ZNF433: variants seen among roughly 807,000 people sequenced by gnomAD.
The protein encoded by ZNF433 is zinc finger protein 433.
In ZNF433, 12 loss-of-function variants were observed where a neutral mutation model predicts 10.6. The ratio of observed to expected loss-of-function variants is 1.13; its 90% CI spans 0.72 to 1.83. ZNF433 has a LOEUF of 1.83. Among genes scored for constraint, ZNF433 ranks in the 40% most tolerant of loss-of-function variants. The pLI is 0.00. For synonymous variants in ZNF433, 272 were observed against 271.3 expected (o/e 1.00, Z -0.02); for missense variants, 737 against 798.0 (o/e 0.92, Z 0.92).
At chr19:12,031,079 C>T (rs1055389985) in intron 1 of ZNF433, among the ~76,000 whole-genome samples, 6 of 151,594 alleles carry the variant, frequency 4.0e-5, no homozygotes, top group Admixed American at 2.0e-4. Flanking sequence ...GGGCAGATCA[C>T]GAGGTCAAGA....
rs145154143 is a variant in ZNF433 at position 12,031,310 on chromosome 19, ACAAAAC to A, written c.3+4221_3+4226del. 2.1e-3 allele frequency among the ~76,000 whole-genome samples: 264 copies of A among 128,630 alleles called. 10 individuals are homozygous for A. The highest frequency in any genetic ancestry group is 7.4e-3 in the African/African-American group (159 of 21,584). The allele number at this position is 128,630 out of a possible 152,430, so 84.4% of individuals were successfully genotyped here. A position where few individuals can be genotyped will look rare whatever the true frequency, so the allele number is the denominator to read the frequency against. On this transcript the variant is annotated intron_variant, in intron 1 of 3. Coordinates refer to ENST00000550507, the MANE Select transcript of ZNF433 (RefSeq NM_001308348.2). ...ACTCCATCTCAAAAAAAAAAAAAAA[ACAAAAC>A]AAAAAAAAAAACAAAGCAGCTGACC...
At position 12,016,750 on chromosome 19, in the gene ZNF433, T is replaced by TC. The variant is rs1491494592; in HGVS notation, c.192-85dup. 3.9e-5 allele frequency: 58 copies of TC among 1,491,768 alleles called. No individual in the cohort carries two copies. The East Asian group carries it at 1.3e-3, about 32-fold the overall frequency. 92.4% of individuals were successfully genotyped at this position (1,491,768 alleles called of 1,614,324 possible). A position where few individuals can be genotyped will look rare whatever the true frequency, so the allele number is the denominator to read the frequency against. The stretch of plus-strand genomic sequence containing the variant: ...TCACAAGTATTGCACTTGCATTTTT[T>TC]CTCTTTTTTTTGAGATGGAGTCTCA... On this transcript the variant is annotated intron_variant, in intron 3 of 3. Transcript: ENST00000550507.
intron 1 of ZNF433, among the ~76,000 whole-genome samples, chr19:12,029,593 T>G (rs1974907091): frequency 7.9e-6 from 1 of 126,572 alleles, no homozygotes; most frequent in Non-Finnish European, 1.7e-5. Context: ...GTTAATGACA[T>G]AAATGTTTGC....
intron 1 of ZNF433, chr19:12,026,936 C>G (rs928677688): frequency 3.3e-5 from 15 of 453,964 alleles, no homozygotes; most frequent in Non-Finnish European, 5.7e-5. Flanking sequence ...GGCACCTCAA[C>G]CTCAAATGAT....
intron 1 of ZNF433, among the ~76,000 whole-genome samples, chr19:12,022,752 G>C (rs1263657798): frequency 1.3e-5 from 2 of 152,204 alleles, no homozygotes; most frequent in Non-Finnish European, 2.9e-5. Context: ...TGACAGAGCA[G>C]GTTTGTTTGC....
At position 12,015,325 on chromosome 19, in the gene ZNF433, G is replaced by C. The variant is rs199872597; in HGVS notation, c.1533C>G (p.Ser511=). 1.2e-6 allele frequency: 2 copies of C among 1,613,754 alleles called. No homozygotes were observed. Among genetic ancestry groups the C allele is most frequent in the African/African-American group, 2.7e-5 (2 of 74,894 alleles). ...KTYECKQCGR[S]FNCSSSFRYH... is the part of the protein sequence containing the mutation. ...ATCGAAAGGAGCTCGAACAGTTGAA[G>C]GATCTGCCACACTGCTTGCATTCAT... Residue 511 remains serine (S), a synonymous_variant, in exon 4 of 4, where the codon TCC becomes TCG. Transcript: ENST00000550507.
rs1422615299 is a variant in ZNF433 at position 12,015,711 on chromosome 19, T to C, written c.1147A>G (p.Lys383Glu). 1.2e-6 allele frequency: 2 copies of C among 1,613,408 alleles called. No individual in the cohort carries two copies. Among genetic ancestry groups the C allele is most frequent in the African/African-American group, 1.3e-5 (1 of 74,828 alleles). ...TAGGGTTTCTCTCCAGTGTGAGTTT[T>C]TTCATGTGTTTGAAGTGAACTGGGA... is the stretch of plus-strand genomic sequence containing the variant. ...YSPSSLQTHE[K>E]THTGEKPYKC... Residue 383 changes from lysine to glutamate, a missense_variant, in exon 4 of 4, where the codon AAA becomes GAA. By Grantham distance (56) the Lys-to-Glu change is moderately conservative. Coordinates refer to ENST00000550507, the MANE Select transcript of ZNF433 (RefSeq NM_001308348.2).
Position 12,020,883 on chromosome 19 carries a change from G to A in ZNF433, c.4-2591C>T, listed in dbSNP as rs146345728. On this transcript the variant is annotated intron_variant, in intron 1 of 3. Coordinates refer to ENST00000550507, the MANE Select transcript of ZNF433 (RefSeq NM_001308348.2). ...TGCGCCATTGCACTCCAGCCTGGGC[G>A]ACAGAGCGAGACTCTGTCTCAAAAA... 9.7e-3 allele frequency among the ~76,000 whole-genome samples: 1,430 copies of A among 147,946 alleles called. 17 individuals are homozygous for A. Among genetic ancestry groups the A allele is most frequent in the African/African-American group, 0.034 (1,358 of 39,592 alleles).
intron 1 of ZNF433, among the ~76,000 whole-genome samples, chr19:12,029,042 G>A (rs1974874952): frequency 6.6e-6 from 1 of 151,900 alleles, no homozygotes; most frequent in African/African-American, 2.4e-5. Context: ...GATATCAATG[G>A]AAAATGTAAT....
At chr19:12,031,475 C>T (rs1174615382) in intron 1 of ZNF433, among the ~76,000 whole-genome samples, 3 of 151,834 alleles carry the variant, frequency 2.0e-5, no homozygotes, top group African/African-American at 7.3e-5. Context: ...CATGGCGAAA[C>T]CCCTTCTCAA....
At chr19:12,026,656 T>C (rs1974747664) in intron 1 of ZNF433, 1 of 452,380 alleles carries the variant, frequency 2.2e-6, no homozygotes, top group Admixed American at 2.4e-5. Context: ...CTCAAAAAAC[T>C]ATTTGTAAAC....
chr19:12,032,485 A>ATT (rs112747052), intron 1 of ZNF433, among the ~76,000 whole-genome samples: 37 of 141,306 alleles, frequency 2.6e-4, no homozygotes, highest in East Asian at 1.0e-3. Flanking sequence ...CTAAATAGCG[A>ATT]TTTTTTTTTT....
chr19:12,015,254 T>C lies in ZNF433; in HGVS notation c.1604A>G (p.Gln535Arg). ...GGCAGATCTGAAGGCTTTTCCACATTGCTTGCATTCATAGGGTTTCTCTCC... is the reference window on the plus strand; with the variant it reads ...GGCAGATCTGAAGGCTTTTCCACATCGCTTGCATTCATAGGGTTTCTCTCC... Reference protein sequence around the residue: ...HTGEKPYECKQCGKAFRSASQ... With the variant: ...HTGEKPYECKRCGKAFRSASQ... Residue 535 changes from glutamine (Q) to arginine (R), a missense_variant, in exon 4 of 4, where the codon CAA becomes CGA. By Grantham distance (43) the Gln-to-Arg change is conservative. Transcript: ENST00000550507. 3.7e-6 allele frequency: 6 copies of C among 1,613,996 alleles called. No individual in the cohort carries two copies. The highest frequency in any genetic ancestry group is 4.2e-6 in the Non-Finnish European group (5 of 1,179,996).
intron 1 of ZNF433, chr19:12,027,065 A>G (rs767915883): frequency 4.5e-6 from 2 of 447,710 alleles, no homozygotes; most frequent in Non-Finnish European, 8.9e-6. Flanking sequence ...AAACTTGGAT[A>G]TTGCAAAATT....
At position 12,028,392 on chromosome 19, in the gene ZNF433, AT is replaced by A. The variant is rs374297195; in HGVS notation, c.3+7144del. On this transcript the variant is annotated intron_variant, in intron 1 of 3. Transcript: ENST00000550507. ...TATCTGATATCAACTGCATAAAAAA[AT>A]GTAAAAATAAAATATACTGATAGGG... Among the ~76,000 whole-genome samples, 139 of 152,378 alleles carry A rather than the reference AT, an allele frequency of 9.1e-4. 3 individuals are homozygous for A. In the South Asian group the frequency reaches 0.012, roughly 13 times the overall value.
intron 1 of ZNF433, among the ~76,000 whole-genome samples, chr19:12,029,308 G>C (rs1974887902): frequency 6.6e-6 from 1 of 151,896 alleles, no homozygotes; most frequent in South Asian, 2.1e-4. Flanking sequence ...CATCACCTGA[G>C]GTCAGGAGTT....
chr19:12,034,593 G>GT, intron 1 of ZNF433: 1 of 315,224 alleles, frequency 3.2e-6, no homozygotes, highest in Admixed American at 3.9e-5. Context: ...AAGGCAAGAG[G>GT]TAAGTCAAAT....
intron 1 of ZNF433, among the ~76,000 whole-genome samples, chr19:12,032,714 C>A (rs1975093710): frequency 6.6e-6 from 1 of 152,078 alleles, no homozygotes; most frequent in Non-Finnish European, 1.5e-5. Flanking sequence ...GAACTCCTGA[C>A]CTCAGGTGAT....
At chr19:12,035,470 A>G (rs953450541) in intron 1 of ZNF433, 67 bp downstream of exon 1, 9 of 1,549,246 alleles carry the variant, frequency 5.8e-6, no homozygotes, top group Non-Finnish European at 7.9e-6. Flanking sequence ...GGGTCCCACC[A>G]CAGCCGGTTC....
Sources: gnomAD v4.1 joint callset for allele counts (sites outside exome capture counted in the v4.1 genomes callset) on GRCh38, gnomAD v4.1.1 for gene constraint, MANE v1.5 for transcripts, NCBI Gene and HGNC (gene_info 2026-07-23, HGNC 2026-07-21) for gene names.